DBF4B: variants seen among roughly 807,000 people sequenced by gnomAD.
DBF4B encodes the protein DBF4B-CDC7 kinase regulatory subunit, also known as protein DBF4 homolog B.
DBF4B carries 49 observed loss-of-function variants against 53.4 expected under a neutral mutation model. The ratio of observed to expected loss-of-function variants is 0.92; its 90% CI spans 0.73 to 1.16. The LOEUF is 1.16. DBF4B is among the 50% of genes most tolerant of loss of function. The probability of loss-of-function intolerance (pLI) is 0.00; values close to 1 mark genes in which losing one functional copy is unlikely to be tolerated. For synonymous variants in DBF4B, 257 were observed against 288.7 expected, an observed-to-expected ratio of 0.89 and a Z score of 1.11; for missense variants, 692 against 775.0, an observed-to-expected ratio of 0.89 and a Z score of 1.27.
rs1268247203 is a variant in DBF4B at position 44,751,739 on chromosome 17, G to A, written c.*486G>A. On this transcript the variant is annotated 3_prime_UTR_variant, in exon 14 of 14. Transcript: ENST00000315005. Reference sequence around the variant, plus strand: ...CTTCCCTTCCACACTTCCTTCCTGGGTAGCTCTGCCTGAAGCATTCCACTA... The same window carrying A: ...CTTCCCTTCCACACTTCCTTCCTGGATAGCTCTGCCTGAAGCATTCCACTA... 1.0e-5 allele frequency: 15 copies of A among 1,457,808 alleles called. No individual in the cohort carries two copies. The highest frequency in any genetic ancestry group is 1.4e-5 in the Non-Finnish European group (15 of 1,105,956). 90.3% of individuals were successfully genotyped at this position (1,457,808 alleles called of 1,614,324 possible).
chr17:44,708,687 C>T lies in DBF4B; in HGVS notation c.-134C>T, dbSNP rs1972585268. On this transcript the variant is annotated 5_prime_UTR_variant, in exon 1 of 14. The change creates a new upstream start codon in the 5' untranslated region. Transcript: ENST00000315005. ...TTTAAACTGAAGCCGCGGCCGAAAA[C>T]GCCAAGAGATTGATGCTGTAGCTGC... The T allele has an allele frequency of 6.4e-6, 7 of 1,100,992 alleles. No homozygotes were observed. The highest frequency in any genetic ancestry group is 6.3e-5 in the South Asian group (3 of 47,360). 68.2% of individuals were successfully genotyped at this position (1,100,992 alleles called of 1,614,324 possible). A position where few individuals can be genotyped will look rare whatever the true frequency, so the allele number is the denominator to read the frequency against.
intron 9 of DBF4B, among the ~76,000 whole-genome samples, chr17:44,739,119 T>G (rs1464748459): frequency 6.6e-6 from 1 of 152,144 alleles, no homozygotes; most frequent in Non-Finnish European, 1.5e-5. Context: ...ACCATTATGA[T>G]CTCCTCTTCC....
intron 2 of DBF4B, among the ~76,000 whole-genome samples, chr17:44,717,707 CAAAA>C (rs539318780): frequency 2.3e-5 from 2 of 85,760 alleles, no homozygotes; most frequent in African/African-American, 3.7e-5. Flanking sequence ...GACCTGGTCT[CAAAA>C]AAAAAAAAAA....
Position 44,748,192 on chromosome 17 carries a change from A to G in DBF4B, c.1065-149A>G, listed in dbSNP as rs1196221807. 10 of 1,078,182 alleles carry G rather than the reference A, an allele frequency of 9.3e-6. No homozygotes were observed. In the Admixed American group the frequency reaches 2.4e-4, roughly 26 times the overall value. The allele number at this position is 1,078,182 out of a possible 1,614,324, so 66.8% of individuals were successfully genotyped here. On this transcript the variant is annotated intron_variant, in intron 12 of 13. Coordinates refer to ENST00000315005, the MANE Select transcript of DBF4B (RefSeq NM_145663.3). ...GGTTGCTGCGGCAGGTTAGACCCAA[A>G]CAGGAGGACTTTCACACAGGGCCTC...
Position 44,708,799 on chromosome 17 carries a change from GC to G in DBF4B, c.-20del. 2.6e-6 allele frequency: 4 copies of G among 1,551,184 alleles called. No individual in the cohort carries two copies. The South Asian group carries it at 4.8e-5, about 18-fold the overall frequency. On this transcript the variant is annotated 5_prime_UTR_variant, in exon 1 of 14. Coordinates refer to ENST00000315005, the MANE Select transcript of DBF4B (RefSeq NM_145663.3). ...AGGCCTCTGAGGAAGGAGTACGGAG[GC>G]CGAGAAGGAGCCGGCATTTGATGAG...
Position 44,752,255 on chromosome 17 carries a change from G to A in DBF4B, c.*1002G>A. The A allele has an allele frequency of 2.3e-6, 1 of 435,318 alleles. No homozygotes were observed. Among genetic ancestry groups the A allele is most frequent in the Middle Eastern group, 6.8e-4 (1 of 1,474 alleles). 27.0% of individuals were successfully genotyped at this position (435,318 alleles called of 1,614,324 possible). A position where few individuals can be genotyped will look rare whatever the true frequency, so the allele number is the denominator to read the frequency against. ...GGACCCTTTCCAATAATAAAATACT[G>A]TGACTGCCAGCAAATCTTTTATGTC... is the stretch of plus-strand genomic sequence containing the variant. On this transcript the variant is annotated 3_prime_UTR_variant, in exon 14 of 14. Transcript: ENST00000315005.
At chr17:44,750,313 A>G in intron 13 of DBF4B, 1 of 1,212,670 alleles carries the variant, frequency 8.2e-7, no homozygotes, top group South Asian at 3.1e-5. Flanking sequence ...CCGTGCATTT[A>G]AAGAGTTGTC....
intron 9 of DBF4B, among the ~76,000 whole-genome samples, chr17:44,739,132 C>A (rs920409408): frequency 6.6e-6 from 1 of 152,174 alleles, no homozygotes; most frequent in Non-Finnish European, 1.5e-5. Flanking sequence ...CCTCTTCCCT[C>A]GGAGCAGGAG....
At position 44,740,572 on chromosome 17, in the gene DBF4B, T is replaced by C. The variant is rs1975905700; in HGVS notation, c.714-764T>C. ...ACACTTCACAGAACAGGGAAATAAC[T>C]GTTCTGGTTTAAACATTCTTCCATT... On this transcript the variant is annotated intron_variant, in intron 9 of 13. Coordinates refer to ENST00000315005, the MANE Select transcript of DBF4B (RefSeq NM_145663.3). Among the ~76,000 whole-genome samples, 3 of 152,324 alleles carry C rather than the reference T, an allele frequency of 2.0e-5. No individual in the cohort carries two copies. In the South Asian group the frequency reaches 6.2e-4, roughly 32 times the overall value.
rs1269330712 is a variant in DBF4B at position 44,750,961 on chromosome 17, G to C, written c.1556G>C (p.Gly519Ala). Residue 519 changes from glycine to alanine, a missense_variant, in exon 14 of 14, where the codon GGT (glycine) becomes GCT (alanine). Physicochemically the swap from Gly to Ala is moderately conservative, Grantham distance 60 (BLOSUM62 0). Transcript: ENST00000315005. ...WVRPFPFVTW[G>A]CLIPHDTTPL... is the part of the protein sequence containing the mutation. ...CGTCCCTTTCCTTTTGTGACATGGG[G>C]TTGCCTCATTCCCCATGACACCACC... The C allele has an allele frequency of 6.2e-7, 1 of 1,614,026 alleles. No individual in the cohort carries two copies. The highest frequency in any genetic ancestry group is 2.2e-5 in the East Asian group (1 of 44,898).
intron 11 of DBF4B, 39 bp from the exon 12 acceptor site, chr17:44,747,352 C>T: frequency 6.2e-7 from 1 of 1,611,962 alleles, no homozygotes; most frequent in East Asian, 2.2e-5. Flanking sequence ...TCCCCCCAGG[C>T]CTCATCTAAT....
At chr17:44,740,212 C>T (rs1308373509) in intron 9 of DBF4B, among the ~76,000 whole-genome samples, 2 of 152,144 alleles carry the variant, frequency 1.3e-5, no homozygotes, top group African/African-American at 2.4e-5. Flanking sequence ...GTGAGGGGTA[C>T]CCCCTTCTCC....
rs762802854 is a variant in DBF4B at position 44,750,994 on chromosome 17, A to G, written c.1589A>G (p.His530Arg). ...CLIPHDTTPLHEEVSPCPCLR... is the reference protein window; with the variant it reads ...CLIPHDTTPLREEVSPCPCLR... ...ATTCCCCATGACACCACCCCTCTGC[A>G]TGAGGAAGTTTCCCCTTGCCCCTGT... The change falls in exon 14 of 14, where the codon CAT becomes CGT. Residue 530 changes from histidine to arginine, a missense_variant. His to Arg is a conservative substitution (Grantham distance 29, BLOSUM62 0). This residue lies in a region of DBF4B where 597 missense variants were observed against 665.8 expected (regional missense o/e 0.90). Coordinates refer to ENST00000315005, the MANE Select transcript of DBF4B (RefSeq NM_145663.3). 6.2e-7 allele frequency: 1 copy of G among 1,614,078 alleles called. No homozygotes were observed. Among genetic ancestry groups the G allele is most frequent in the Admixed American group, 1.7e-5 (1 of 60,012 alleles).
intron 8 of DBF4B, among the ~76,000 whole-genome samples, 171 bp downstream of exon 8, chr17:44,737,037 G>A (rs1183295071): frequency 1.3e-5 from 2 of 152,178 alleles, no homozygotes; most frequent in African/African-American, 2.4e-5. Flanking sequence ...TGGAGCGAGA[G>A]AGGCATGCCC....
At chr17:44,746,477 G>T (rs1206598597) in intron 10 of DBF4B, among the ~76,000 whole-genome samples, 1 of 152,036 alleles carries the variant, frequency 6.6e-6, no homozygotes, top group Non-Finnish European at 1.5e-5. Flanking sequence ...TCCTACAAGG[G>T]ATTCTTGCTG....
chr17:44,725,028 A>G (rs1974179958), intron 3 of DBF4B, among the ~76,000 whole-genome samples: 2 of 151,166 alleles, frequency 1.3e-5, no homozygotes, highest in Admixed American at 6.6e-5. Flanking sequence ...AGGCAGGAGA[A>G]TCACTTAAAC....
chr17:44,741,119 C>T (rs1038796697), intron 9 of DBF4B, among the ~76,000 whole-genome samples: 6 of 150,518 alleles, frequency 4.0e-5, no homozygotes, highest in Non-Finnish European at 7.4e-5. Flanking sequence ...TGGGCGACAG[C>T]GAGACTCTGT....
Position 44,751,571 on chromosome 17 carries a change from C to T in DBF4B, c.*318C>T. On this transcript the variant is annotated 3_prime_UTR_variant, in exon 14 of 14. Coordinates refer to ENST00000315005, the MANE Select transcript of DBF4B (RefSeq NM_145663.3). ...TTTCCTTCTCAGACTTGCCACCTTT[C>T]CCCTCTGCCCCAAAATGCCATGCTC... The T allele has an allele frequency of 1.5e-6, 2 of 1,347,230 alleles. No homozygotes were observed. The highest frequency in any genetic ancestry group is 1.9e-6 in the Non-Finnish European group (2 of 1,050,930). The allele number at this position is 1,347,230 out of a possible 1,614,324, so 83.5% of individuals were successfully genotyped here. A position where few individuals can be genotyped will look rare whatever the true frequency, so the allele number is the denominator to read the frequency against.
chr17:44,722,026 G>C (rs553546403), intron 2 of DBF4B, among the ~76,000 whole-genome samples: 1 of 152,054 alleles, frequency 6.6e-6, no homozygotes, highest in South Asian at 2.1e-4. Flanking sequence ...CCCAGCTACT[G>C]GGGAGGCTGA....
Sources: allele counts gnomAD v4.1 joint callset (sites outside exome capture counted in the v4.1 genomes callset), GRCh38; gene constraint gnomAD v4.1.1; regional missense constraint gnomAD v4.1.1; transcripts MANE v1.5; gene names NCBI Gene and HGNC (gene_info 2026-07-23, HGNC 2026-07-21).